The following STX2 variants were observed in gnomAD, a reference collection of about 807,000 sequenced individuals.
The protein encoded by STX2 is syntaxin-2.
In STX2, 27 loss-of-function variants were observed where a neutral mutation model predicts 40.6. That is an observed-to-expected ratio of 0.66 (90% CI 0.49 to 0.92). The LOEUF is 0.92. Ranked by LOEUF, STX2 falls within the 40% of genes least tolerant of loss-of-function variation. The probability of loss-of-function intolerance (pLI) is 0.00; values close to 1 mark genes in which losing one functional copy is unlikely to be tolerated. For synonymous variants in STX2, 123 were observed against 119.1 expected (o/e 1.03, Z -0.22); for missense variants, 328 against 366.1 (o/e 0.90, Z 0.85).
intron 1 of STX2, among the ~76,000 whole-genome samples, chr12:130,828,910 T>C (rs76112423): frequency 0.015 from 2,168 of 146,568 alleles, 61 homozygotes; most frequent in African/African-American, 0.051. Context: ...AAAATGGCAA[T>C]CAACCGACAA....
At position 130,807,031 on chromosome 12, in the gene STX2, A is replaced by C; in HGVS notation, c.414T>G (p.Thr138=). 1.9e-6 allele frequency: 3 copies of C among 1,614,230 alleles called. No homozygotes were observed. Among genetic ancestry groups the C allele is most frequent in the Non-Finnish European group, 2.5e-6 (3 of 1,180,032 alleles). ...EAMAEYNEAQ[T]LFRERSKGRI... ...GGCCTTTGCTCCGCTCCCGAAACAG[A>C]GTCTGTGCCTCATTGTACTCCGCCA... is the stretch of plus-strand genomic sequence containing the variant. The change falls in exon 6 of 11, where the codon ACT becomes ACG. Residue 138 remains threonine, a synonymous_variant. Transcript: ENST00000392373.
intron 3 of STX2, among the ~76,000 whole-genome samples, chr12:130,818,188 ATATATATATATAT>A (rs1951955859): frequency 1.2e-4 from 8 of 66,260 alleles, no homozygotes; most frequent in East Asian, 2.8e-4. Flanking sequence ...AAAAAAAAAT[ATATATATATATAT>A]ATATATATAT....
chr12:130,801,352 G>C, intron 7 of STX2, 62 bp from the exon 8 acceptor site: 1 of 1,589,920 alleles, frequency 6.3e-7, no homozygotes. Context: ...GAAGTTAAAG[G>C]GTTTTTAAAA....
At chr12:130,832,642 C>T (rs758544754) in intron 1 of STX2, among the ~76,000 whole-genome samples, 51 of 152,192 alleles carry the variant, frequency 3.4e-4, no homozygotes, top group Non-Finnish European at 6.2e-4. Flanking sequence ...GCCTAGAGAG[C>T]GTGAACTAGA....
intron 10 of STX2, among the ~76,000 whole-genome samples, chr12:130,794,623 C>T (rs1566509185): frequency 1.3e-5 from 2 of 152,128 alleles, no homozygotes; most frequent in Non-Finnish European, 2.9e-5. Flanking sequence ...CGGCCTCTGG[C>T]GTAGCTGGGA....
intron 2 of STX2, among the ~76,000 whole-genome samples, chr12:130,825,946 T>C (rs1245280307): frequency 1.3e-5 from 2 of 152,204 alleles, no homozygotes; most frequent in Non-Finnish European, 2.9e-5. Flanking sequence ...TAAGCAACAT[T>C]AGATCAGATA....
chr12:130,839,018 T>G, intron 1 of STX2, 52 bp downstream of exon 1: 1 of 511,544 alleles, frequency 2.0e-6, no homozygotes, highest in Non-Finnish European at 2.5e-6. Flanking sequence ...CCGCCCGCCC[T>G]CCAGACGCCG....
Position 130,839,119 on chromosome 12 carries a change from C to T in STX2, c.-20G>A, listed in dbSNP as rs1427519405. On this transcript the variant is annotated 5_prime_UTR_variant, in exon 1 of 11. Transcript: ENST00000392373. ...CCGCATCCCCGCCGGCCGGGCAGCGCGCCCCGCCGCTCAAGCCTGTCCCGA... is the reference window on the plus strand; with the variant it reads ...CCGCATCCCCGCCGGCCGGGCAGCGTGCCCCGCCGCTCAAGCCTGTCCCGA... The T allele has an allele frequency of 1.4e-5, 17 of 1,258,966 alleles. No individual in the cohort carries two copies. The Admixed American group carries it at 5.0e-4, about 37-fold the overall frequency. The allele number at this position is 1,258,966 out of a possible 1,614,324, so 78.0% of individuals were successfully genotyped here.
chr12:130,809,652 A>G (rs1951572947), intron 4 of STX2, among the ~76,000 whole-genome samples: 1 of 152,150 alleles, frequency 6.6e-6, no homozygotes, highest in Non-Finnish European at 1.5e-5. Flanking sequence ...CCCTGTCTCT[A>G]CTACAAATAC....
At position 130,809,396 on chromosome 12, in the gene STX2, A is replaced by G. The variant is rs557707752; in HGVS notation, c.281-692T>C. ...AAGCTAGACTCCGAATATGTTTTAT[A>G]TATTTGACGTCAGAATGACATAAAT... On this transcript the variant is annotated intron_variant, in intron 4 of 10. Coordinates refer to ENST00000392373, the MANE Select transcript of STX2 (RefSeq NM_194356.4). Among the ~76,000 whole-genome samples the G allele has an allele frequency of 7.9e-5, 12 of 152,362 alleles. No individual in the cohort carries two copies. The South Asian group carries it at 2.1e-3, about 26-fold the overall frequency.
intron 1 of STX2, among the ~76,000 whole-genome samples, chr12:130,828,682 C>T (rs113827344): frequency 0.064 from 9,672 of 151,180 alleles, 399 homozygotes; most frequent in Non-Finnish European, 0.092. Flanking sequence ...CTGGCTAACA[C>T]GGTGAAACCC....
chr12:130,792,793 CAA>C (rs1165585237), intron 10 of STX2, among the ~76,000 whole-genome samples: 1 of 152,186 alleles, frequency 6.6e-6, no homozygotes, highest in Non-Finnish European at 1.5e-5. Context: ...TTAAATATGA[CAA>C]ATGTGTAAGA....
At chr12:130,808,274 G>T (rs578099827) in intron 5 of STX2, among the ~76,000 whole-genome samples, 12 of 152,226 alleles carry the variant, frequency 7.9e-5, no homozygotes, top group African/African-American at 2.2e-4. Flanking sequence ...CCTCACAGCA[G>T]TGTGGCCACC....
At chr12:130,821,337 A>G (rs1014378876) in intron 3 of STX2, among the ~76,000 whole-genome samples, 2 of 152,158 alleles carry the variant, frequency 1.3e-5, no homozygotes, top group African/African-American at 4.8e-5. Flanking sequence ...CTGTTTTCCA[A>G]ATCAATCCCT....
At chr12:130,820,779 G>A (rs899376444) in intron 3 of STX2, among the ~76,000 whole-genome samples, 3 of 152,134 alleles carry the variant, frequency 2.0e-5, no homozygotes, top group Non-Finnish European at 2.9e-5. Context: ...GACCCTCCTC[G>A]GAACCCACAG....
intron 6 of STX2, among the ~76,000 whole-genome samples, chr12:130,805,110 T>A (rs1806462826): frequency 6.6e-6 from 1 of 152,200 alleles, no homozygotes; most frequent in Non-Finnish European, 1.5e-5. Flanking sequence ...ATGATGACTT[T>A]CACTTTAAAA....
At chr12:130,792,581 A>G (rs1393477071) in intron 10 of STX2, among the ~76,000 whole-genome samples, 1 of 152,156 alleles carries the variant, frequency 6.6e-6, no homozygotes, top group Non-Finnish European at 1.5e-5. Context: ...CTCCCACCTC[A>G]GTGTCCCAAG....
intron 4 of STX2, among the ~76,000 whole-genome samples, chr12:130,811,457 A>G (rs934939308): frequency 3.9e-5 from 6 of 152,118 alleles, no homozygotes; most frequent in Non-Finnish European, 5.9e-5. Context: ...CACAGAATAG[A>G]AAAGAATGTT....
At chr12:130,792,339 G>A (rs537073477) in intron 10 of STX2, among the ~76,000 whole-genome samples, 2 of 152,314 alleles carry the variant, frequency 1.3e-5, no homozygotes, top group East Asian at 1.9e-4. Context: ...GATTACAGGC[G>A]TGAGGCACCA....
Sources: gnomAD v4.1 joint callset for allele counts (sites outside exome capture counted in the v4.1 genomes callset) on GRCh38, gnomAD v4.1.1 for gene constraint, MANE v1.5 for transcripts, NCBI Gene and HGNC (gene_info 2026-07-23, HGNC 2026-07-21) for gene names.